SIPA1L1: variants seen among roughly 807,000 people sequenced by gnomAD.
The protein encoded by SIPA1L1 is signal-induced proliferation-associated 1-like protein 1.
In SIPA1L1, 26 loss-of-function variants were observed where a neutral mutation model predicts 162.7. The observed-to-expected ratio is 0.16, with a 90% confidence interval of 0.12 to 0.22. The LOEUF (loss-of-function observed/expected upper bound fraction) is 0.22. SIPA1L1 is among the 10% of genes least tolerant of loss of function. The pLI is 1.00. For synonymous variants in SIPA1L1, 829 were observed against 837.4 expected, an observed-to-expected ratio of 0.99 and a Z score of 0.17; for missense variants, 1,874 against 2,241.0, an observed-to-expected ratio of 0.84 and a Z score of 3.31.
At chr14:71,516,436 G>GAGT (rs960906054) in intron 3 of SIPA1L1, among the ~76,000 whole-genome samples, 7 of 152,040 alleles carry the variant, frequency 4.6e-5, no homozygotes, top group African/African-American at 1.7e-4. Flanking sequence ...ACCCATGCTG[G>GAGT]AGTGCAGTGA....
At chr14:71,671,901 C>CTGTGTGTGTG (rs34919280) in intron 11 of SIPA1L1, among the ~76,000 whole-genome samples, 10 of 142,702 alleles carry the variant, frequency 7.0e-5, no homozygotes, top group Middle Eastern at 3.4e-3. Flanking sequence ...CACATTTACT[C>CTGTGTGTGTG]TGTGTGTGTG....
intron 5 of SIPA1L1, among the ~76,000 whole-genome samples, chr14:71,607,079 A>T (rs1409949556): frequency 6.6e-6 from 1 of 151,822 alleles, no homozygotes; most frequent in Non-Finnish European, 1.5e-5. Context: ...GATGTAGGCA[A>T]TTGTGAGGGT....
intron 22 of SIPA1L1, among the ~76,000 whole-genome samples, chr14:71,738,033 G>A (rs2152877698): frequency 6.6e-6 from 1 of 152,212 alleles, no homozygotes. Flanking sequence ...TTGATTGGCT[G>A]CAGTTCAAGC....
chr14:71,415,800 C>T (rs2042718339), intron 2 of SIPA1L1, among the ~76,000 whole-genome samples: 1 of 151,970 alleles, frequency 6.6e-6, no homozygotes, highest in South Asian at 2.1e-4. Context: ...CAGGTTCAAG[C>T]GATTCTCCCG....
Position 71,589,037 on chromosome 14 carries a change from A to G in SIPA1L1, c.1165A>G (p.Thr389Ala). ...SASFSSPMGS[T>A]EDLNSKGSLS... Reference sequence around the variant, plus strand: ...CAGTTTTAGCTCCCCAATGGGCAGCACAGAGGACCTGAATTCCAAAGGAAG... The same window carrying G: ...CAGTTTTAGCTCCCCAATGGGCAGCGCAGAGGACCTGAATTCCAAAGGAAG... Residue 389 changes from threonine to alanine, a missense_variant, in exon 5 of 24, where the codon ACA becomes GCA. By Grantham distance (58) the Thr-to-Ala change is moderately conservative (BLOSUM62 0). This residue lies in a region of SIPA1L1 where 685 missense variants were observed against 828.0 expected (regional missense o/e 0.83). Coordinates refer to ENST00000381232, the MANE Select transcript of SIPA1L1 (RefSeq NM_001386936.1). 1 of 1,614,148 alleles carries G rather than the reference A, an allele frequency of 6.2e-7. No individual in the cohort carries two copies. The highest frequency in any genetic ancestry group is 8.5e-7 in the Non-Finnish European group (1 of 1,179,988).
intron 2 of SIPA1L1, among the ~76,000 whole-genome samples, chr14:71,476,723 G>A (rs1376427864): frequency 6.6e-6 from 1 of 151,240 alleles, no homozygotes; most frequent in African/African-American, 2.4e-5. Context: ...TGTTGCCCAG[G>A]CTGGAGTGCA....
In SIPA1L1 at chr14:71,702,476, G is replaced by C; in HGVS notation, c.3617G>C (p.Arg1206Thr). Residue 1206 changes from arginine (R) to threonine (T), a missense_variant, in exon 15 of 24, where the codon AGA (arginine) becomes ACA (threonine). Arg to Thr is a moderately conservative substitution (Grantham distance 71, BLOSUM62 -1). Around this residue, in one of 5 missense-constraint regions of SIPA1L1, gnomAD observed 936 missense variants for 1,051.9 expected, o/e 0.89. Coordinates refer to ENST00000381232, the MANE Select transcript of SIPA1L1 (RefSeq NM_001386936.1). Reference sequence around the variant, plus strand: ...GGAAAATCCACGCCTAGCTGGCAAAGAAGTGAGGATAGCATTGCTGACCAG... The same window carrying C: ...GGAAAATCCACGCCTAGCTGGCAAACAAGTGAGGATAGCATTGCTGACCAG... The part of the protein sequence containing the change: ...GSGKSTPSWQ[R>T]SEDSIADQME... The C allele has an allele frequency of 6.2e-7, 1 of 1,614,220 alleles. No homozygotes were observed. Among genetic ancestry groups the C allele is most frequent in the African/African-American group, 1.3e-5 (1 of 75,062 alleles).
chr14:71,479,328 TGTATGTAG>T (rs1281778302), intron 2 of SIPA1L1, among the ~76,000 whole-genome samples: 1 of 121,964 alleles, frequency 8.2e-6, no homozygotes, highest in African/African-American at 3.6e-5. Flanking sequence ...CATGTGTGTG[TGTATGTAG>T]GTATGTATGT....
intron 5 of SIPA1L1, among the ~76,000 whole-genome samples, chr14:71,614,655 A>G: frequency 6.6e-6 from 1 of 152,210 alleles, no homozygotes; most frequent in Admixed American, 6.5e-5. Context: ...CTAACCAGAG[A>G]TGAGTTTGTT....
chr14:71,690,513 G>T (rs568480641), intron 13 of SIPA1L1, among the ~76,000 whole-genome samples: 1 of 152,120 alleles, frequency 6.6e-6, no homozygotes, highest in East Asian at 1.9e-4. Context: ...CTCCCAAAGT[G>T]CTGGGATCAC....
intron 4 of SIPA1L1, among the ~76,000 whole-genome samples, chr14:71,538,642 T>C (rs1293044572): frequency 6.6e-6 from 1 of 152,214 alleles, no homozygotes; most frequent in East Asian, 1.9e-4. Flanking sequence ...TTTTGGAGTT[T>C]GTGTCTGTTT....
chr14:71,580,185 C>G (rs1034545245), intron 4 of SIPA1L1, among the ~76,000 whole-genome samples: 3 of 152,176 alleles, frequency 2.0e-5, no homozygotes, highest in Admixed American at 6.5e-5. Context: ...TTCTTCTTCC[C>G]CAGTATGCGA....
intron 2 of SIPA1L1, among the ~76,000 whole-genome samples, chr14:71,395,296 A>G (rs917705792): frequency 2.0e-5 from 3 of 152,172 alleles, no homozygotes; most frequent in East Asian, 1.9e-4. Flanking sequence ...TGAGTTGTAC[A>G]TAGGCTCATA....
chr14:71,376,795 G>C (rs1211982884), intron 2 of SIPA1L1, among the ~76,000 whole-genome samples: 2 of 152,004 alleles, frequency 1.3e-5, no homozygotes, highest in South Asian at 2.1e-4. Flanking sequence ...TTCAAGCATC[G>C]TTTCCATTTA....
intron 2 of SIPA1L1, among the ~76,000 whole-genome samples, chr14:71,458,916 T>TA (rs1349811444): frequency 6.6e-6 from 1 of 151,936 alleles, no homozygotes; most frequent in Non-Finnish European, 1.5e-5. Context: ...GTACTAAAAA[T>TA]ACAAAAATTA....
intron 12 of SIPA1L1, among the ~76,000 whole-genome samples, chr14:71,681,044 G>GT (rs1287502047): frequency 1.3e-5 from 2 of 152,146 alleles, no homozygotes; most frequent in Admixed American, 6.5e-5. Flanking sequence ...CAGCACTTCC[G>GT]TATCAGCAGC....
intron 2 of SIPA1L1, among the ~76,000 whole-genome samples, chr14:71,356,583 A>AAAAAAAAAAAAAAAAAAAAAAAAC (rs2037283047): frequency 3.4e-5 from 5 of 145,686 alleles, no homozygotes; most frequent in Non-Finnish European, 6.0e-5. Context: ...AAAAAAAAAA[A>AAAAAAAAAAAAAAAAAAAAAAAAC]AAAAGCACAC....
chr14:71,571,499 A>G (rs995361975), intron 4 of SIPA1L1, among the ~76,000 whole-genome samples: 1 of 152,214 alleles, frequency 6.6e-6, no homozygotes, highest in African/African-American at 2.4e-5. Flanking sequence ...AGCATATAAC[A>G]TAAAAAAAAC....
intron 3 of SIPA1L1, among the ~76,000 whole-genome samples, chr14:71,521,063 T>C (rs1210927328): frequency 1.3e-5 from 2 of 152,184 alleles, no homozygotes; most frequent in African/African-American, 2.4e-5. Flanking sequence ...CTAGCTTTTC[T>C]TTCTGCTGTG....
Sources: allele counts gnomAD v4.1 joint callset (sites outside exome capture counted in the v4.1 genomes callset), GRCh38; gene constraint gnomAD v4.1.1; regional missense constraint gnomAD v4.1.1; transcripts MANE v1.5; gene names NCBI Gene and HGNC (gene_info 2026-07-23, HGNC 2026-07-21).